Variants in UBA6 observed in about 807,000 individuals in gnomAD.
The protein encoded by UBA6 is ubiquitin like modifier activating enzyme 6, also known as ubiquitin-like modifier-activating enzyme 6.
In UBA6, 87 loss-of-function variants were observed where a neutral mutation model predicts 148.3. That is an observed-to-expected ratio of 0.59 (90% CI 0.49 to 0.70). UBA6 has a LOEUF of 0.70. Ranked by LOEUF, UBA6 falls within the 30% of genes least tolerant of loss-of-function variation. UBA6 has a pLI of 0.00. For synonymous variants in UBA6, 376 were observed against 401.0 expected (o/e 0.94, Z 0.75); for missense variants, 1,186 against 1,241.2 (o/e 0.96, Z 0.67).
intron 7 of UBA6, among the ~76,000 whole-genome samples, chr4:67,673,415 C>T (rs1396801498): frequency 1.7e-5 from 2 of 114,880 alleles, no homozygotes; most frequent in East Asian, 4.8e-4. Flanking sequence ...GACTCTGTCT[C>T]GGGAAAAAAA....
At position 67,616,092 on chromosome 4, in the gene UBA6, A is replaced by G; in HGVS notation, c.*2905T>C. Reference sequence around the variant, plus strand: ...TTCTCAATAAAAAAACAAAGTTATGACATAGAGCAAAATGAACACATATTA... The same window carrying G: ...TTCTCAATAAAAAAACAAAGTTATGGCATAGAGCAAAATGAACACATATTA... On this transcript the variant is annotated 3_prime_UTR_variant, in exon 33 of 33. Coordinates refer to ENST00000322244, the MANE Select transcript of UBA6 (RefSeq NM_018227.6). The G allele has an allele frequency of 5.1e-6, 2 of 396,026 alleles. No individual in the cohort carries two copies. Among genetic ancestry groups the G allele is most frequent in the Non-Finnish European group, 8.9e-6 (2 of 224,350 alleles). The allele number at this position is 396,026 out of a possible 1,614,324, so 24.5% of individuals were successfully genotyped here.
At chr4:67,623,371 T>A in intron 30 of UBA6, 149 bp from the exon 31 acceptor site, 1 of 604,196 alleles carries the variant, frequency 1.7e-6, no homozygotes, top group South Asian at 2.2e-5. Flanking sequence ...ATATATCTTC[T>A]AAAATATTCC....
At chr4:67,652,699 G>C (rs764549142) in intron 13 of UBA6, among the ~76,000 whole-genome samples, 1 of 152,140 alleles carries the variant, frequency 6.6e-6, no homozygotes, top group Non-Finnish European at 1.5e-5. Flanking sequence ...GCCCATGGAG[G>C]GCGAGCCGAA....
At chr4:67,627,147 T>G (rs1330771945) in intron 27 of UBA6, among the ~76,000 whole-genome samples, 1 of 151,984 alleles carries the variant, frequency 6.6e-6, no homozygotes, top group African/African-American at 2.4e-5. Context: ...GCACGGAAAT[T>G]AATATTCTCA....
rs192391939 is a variant in UBA6, at chr4:67,617,583, G to C, written c.*1414C>G. On this transcript the variant is annotated 3_prime_UTR_variant, in exon 33 of 33. Transcript: ENST00000322244. ...CCACTTGATGGTACTTTTACAAGAG[G>C]GAAACAATACAGCTGGTTGATAAAG... is the stretch of plus-strand genomic sequence containing the variant. 8.6e-5 allele frequency: 13 copies of C among 151,914 alleles called. No individual in the cohort carries two copies. The highest frequency in any genetic ancestry group is 1.5e-4 in the Non-Finnish European group (10 of 67,894). The allele number at this position is 151,914 out of a possible 1,614,324, so 9.4% of individuals were successfully genotyped here.
chr4:67,671,494 A>T (rs1187257724), intron 7 of UBA6, among the ~76,000 whole-genome samples: 1 of 150,958 alleles, frequency 6.6e-6, no homozygotes, highest in Non-Finnish European at 1.5e-5. Context: ...CTTTTTTTTT[A>T]AAGTTTAACT....
At chr4:67,697,774 C>G in intron 1 of UBA6, among the ~76,000 whole-genome samples, 1 of 152,226 alleles carries the variant, frequency 6.6e-6, no homozygotes, top group Non-Finnish European at 1.5e-5. Context: ...TCACATTTCA[C>G]CTGGGCTATT....
At chr4:67,648,393 G>A (rs1440490835) in intron 14 of UBA6, among the ~76,000 whole-genome samples, 2 of 150,508 alleles carry the variant, frequency 1.3e-5, no homozygotes, top group African/African-American at 2.4e-5. Flanking sequence ...GCGTGAACCC[G>A]GCAGACAGAG....
At chr4:67,633,530 T>A in intron 22 of UBA6, 57 bp from the exon 23 acceptor site, 2 of 1,463,330 alleles carry the variant, frequency 1.4e-6, no homozygotes, top group Non-Finnish European at 1.8e-6. Context: ...CATATACACA[T>A]CCCTCACCAA....
chr4:67,624,273 C>A lies in UBA6; in HGVS notation c.2713-20G>T. On this transcript the variant is annotated intron_variant, in intron 29 of 32. Coordinates refer to ENST00000322244, the MANE Select transcript of UBA6 (RefSeq NM_018227.6). ...GGCAACCTAGATAAAAGAAGGTGAT[C>A]TGATAATATAAACAGCCTAAAACTA... 1 of 1,583,386 alleles carries A rather than the reference C, an allele frequency of 6.3e-7. No individual in the cohort carries two copies.
chr4:67,686,935 C>CAGCAAGAA, intron 2 of UBA6, among the ~76,000 whole-genome samples: 1 of 93,300 alleles, frequency 1.1e-5, no homozygotes, highest in Non-Finnish European at 1.9e-5. Flanking sequence ...GCCTGGGCAA[C>CAGCAAGAA]AGCAAGATCC....
chr4:67,699,929 C>T (rs1560506611), intron 1 of UBA6, among the ~76,000 whole-genome samples: 2 of 152,092 alleles, frequency 1.3e-5, no homozygotes. Flanking sequence ...ATCTACTTTC[C>T]TATCATTTTA....
intron 13 of UBA6, among the ~76,000 whole-genome samples, chr4:67,651,874 T>TTC (rs1729560810): frequency 6.6e-6 from 1 of 152,150 alleles, no homozygotes; most frequent in Non-Finnish European, 1.5e-5. Context: ...TAGCTGGACA[T>TTC]TCATACACAA....
intron 13 of UBA6, among the ~76,000 whole-genome samples, chr4:67,656,020 A>C (rs1304878129): frequency 2.0e-5 from 3 of 152,238 alleles, no homozygotes; most frequent in Admixed American, 6.5e-5. Context: ...GAACAATAAC[A>C]GGTTCTGAAA....
chr4:67,633,274 G>T, intron 23 of UBA6, 71 bp downstream of exon 23: 1 of 1,343,076 alleles, frequency 7.4e-7, no homozygotes, highest in Non-Finnish European at 9.9e-7. Context: ...TCAGGTCAAT[G>T]AAATTAATTT....
Position 67,674,290 on chromosome 4 carries a change from C to G in UBA6, c.466-513G>C, listed in dbSNP as rs927602223. 2.6e-5 allele frequency among the ~76,000 whole-genome samples: 4 copies of G among 152,156 alleles called. No homozygotes were observed. In the East Asian group the frequency reaches 7.7e-4, roughly 29 times the overall value. On this transcript the variant is annotated intron_variant, in intron 6 of 32. Transcript: ENST00000322244. ...TCCTCCATGGGCCTCTCAGTCTATA[C>G]AGTCTCACAAGGTATGCCATGAATG...
intron 8 of UBA6, among the ~76,000 whole-genome samples, chr4:67,669,380 T>C (rs987177449): frequency 1.3e-5 from 2 of 152,180 alleles, no homozygotes; most frequent in African/African-American, 4.8e-5. Flanking sequence ...CTAAAAGGCA[T>C]GACAGAGACA....
intron 13 of UBA6, among the ~76,000 whole-genome samples, chr4:67,649,568 AGTTT>A (rs1346350343): frequency 6.6e-6 from 1 of 152,200 alleles, no homozygotes; most frequent in Non-Finnish European, 1.5e-5. Context: ...TAATTTAAAA[AGTTT>A]GTTAATGAAA....
chr4:67,623,161 G>A lies in UBA6; in HGVS notation c.2902C>T (p.Leu968Phe). The change falls in exon 31 of 33, where the codon CTC (leucine) becomes TTC (phenylalanine). Residue 968 changes from leucine (L) to phenylalanine (F), a missense_variant. By Grantham distance (22) the Leu-to-Phe change is conservative. Coordinates refer to ENST00000322244, the MANE Select transcript of UBA6 (RefSeq NM_018227.6). Reference sequence around the variant, plus strand: ...TTGACTGCATTTATGAAATCCAAGAGGGTGAAATCTTCTTTTCCATGTACG... The same window carrying A: ...TTGACTGCATTTATGAAATCCAAGAAGGTGAAATCTTCTTTTCCATGTACG... The part of the protein sequence containing the change: ...WTVHGKEDFT[L>F]LDFINAVKEK... The A allele has an allele frequency of 6.2e-7, 1 of 1,612,678 alleles. No individual in the cohort carries two copies. Among genetic ancestry groups the A allele is most frequent in the Non-Finnish European group, 8.5e-7 (1 of 1,179,110 alleles).
Sources: gnomAD v4.1 joint callset for allele counts (sites outside exome capture counted in the v4.1 genomes callset) on GRCh38, gnomAD v4.1.1 for gene constraint, MANE v1.5 for transcripts, NCBI Gene and HGNC (gene_info 2026-07-23, HGNC 2026-07-21) for gene names.